TNPO1: variants seen among roughly 807,000 people sequenced by gnomAD.
TNPO1 encodes the protein transportin 1.
TNPO1 carries 8 observed loss-of-function variants against 119.5 expected under a neutral mutation model. That is an observed-to-expected ratio of 0.07 (90% CI 0.04 to 0.12). The LOEUF (loss-of-function observed/expected upper bound fraction) is 0.12, where lower values mean the gene tolerates loss of function less well. Among genes scored for constraint, TNPO1 ranks in the 10% least tolerant of loss-of-function variants. TNPO1 has a pLI of 1.00. For missense variants in TNPO1, 576 were observed against 1,089.8 expected (o/e 0.53, Z 6.64); for synonymous variants, 362 against 363.0 (o/e 1.00, Z 0.03).
rs558646830 is a variant in TNPO1, at chr5:72,893,352, C to G, written c.1897-25C>G. The stretch of plus-strand genomic sequence containing the variant: ...AAGTAGTTAATTAAAACCAAACTTA[C>G]AAAAAACATTGTGTCTAATTTCAGC... On this transcript the variant is annotated intron_variant, in intron 16 of 24. Transcript: ENST00000337273. The G allele has an allele frequency of 3.7e-6, 6 of 1,607,492 alleles. 1 individual carries two copies. The South Asian group carries it at 6.7e-5, about 18-fold the overall frequency.
At chr5:72,843,882 C>T (rs1745020132) in intron 1 of TNPO1, among the ~76,000 whole-genome samples, 1 of 152,146 alleles carries the variant, frequency 6.6e-6, no homozygotes, top group Non-Finnish European at 1.5e-5. Context: ...TCCTATTGTA[C>T]TTTACCATAT....
chr5:72,869,273 G>A (rs572704024), intron 6 of TNPO1, among the ~76,000 whole-genome samples: 32 of 152,190 alleles, frequency 2.1e-4, no homozygotes, highest in African/African-American at 5.8e-4. Flanking sequence ...ATGGCAGGGC[G>A]TAGTGGCTCA....
chr5:72,882,399 G>C, intron 9 of TNPO1, 68 bp from the exon 10 acceptor site: 4 of 1,214,300 alleles, frequency 3.3e-6, no homozygotes, highest in Non-Finnish European at 4.8e-6. Context: ...GTACATGTAA[G>C]GTTAAGACTT....
chr5:72,853,640 T>C (rs529870959), intron 3 of TNPO1, among the ~76,000 whole-genome samples: 1 of 142,410 alleles, frequency 7.0e-6, no homozygotes, highest in African/African-American at 2.6e-5. Context: ...ACACTTGATA[T>C]TTCTTCTTGT....
chr5:72,896,582 G>A, intron 19 of TNPO1, 26 bp downstream of exon 19: 1 of 1,590,622 alleles, frequency 6.3e-7, no homozygotes, highest in Non-Finnish European at 8.6e-7. Context: ...CTATTTAAAA[G>A]CATAAGGCCT....
intron 15 of TNPO1, 101 bp from the exon 16 acceptor site, chr5:72,893,038 A>G (rs912543273): frequency 1.9e-5 from 16 of 851,424 alleles, no homozygotes; most frequent in African/African-American, 3.4e-5. Flanking sequence ...TAGTAGAGCA[A>G]GCTCATAAAT....
intron 24 of TNPO1, among the ~76,000 whole-genome samples, chr5:72,907,091 A>G (rs561201609): frequency 2.0e-5 from 3 of 152,232 alleles, no homozygotes; most frequent in East Asian, 1.9e-4. Context: ...AATGGACTCA[A>G]AGCTTCCAGA....
At chr5:72,851,459 A>T in intron 3 of TNPO1, 140 bp downstream of exon 3, 1 of 580,632 alleles carries the variant, frequency 1.7e-6, no homozygotes, top group Non-Finnish European at 3.1e-6. Flanking sequence ...CTTAGTTAAT[A>T]CCACTCAGTA....
chr5:72,905,267 T>C, intron 23 of TNPO1, 36 bp from the exon 24 acceptor site: 1 of 1,475,430 alleles, frequency 6.8e-7, no homozygotes, highest in Non-Finnish European at 9.4e-7. Context: ...ATTTTTCTCT[T>C]GTTATTGATA....
intron 1 of TNPO1, chr5:72,848,137 C>G (rs1279289501): frequency 1.1e-5 from 13 of 1,202,310 alleles, no homozygotes; most frequent in African/African-American, 1.6e-5. Flanking sequence ...GTCTGGTCGG[C>G]TCCTTGCGCT....
intron 4 of TNPO1, among the ~76,000 whole-genome samples, chr5:72,859,666 A>G (rs1208532910): frequency 6.6e-6 from 1 of 152,188 alleles, no homozygotes. Flanking sequence ...TAGAGAGTAT[A>G]CAGTTTGTTT....
intron 4 of TNPO1, among the ~76,000 whole-genome samples, chr5:72,856,486 G>A (rs1300533499): frequency 6.6e-6 from 1 of 152,084 alleles, no homozygotes; most frequent in Admixed American, 6.6e-5. Flanking sequence ...GCCTGCCTCA[G>A]CCTCCCAAAG....
At chr5:72,855,179 A>G (rs1214747550) in intron 3 of TNPO1, among the ~76,000 whole-genome samples, 1 of 151,908 alleles carries the variant, frequency 6.6e-6, no homozygotes, top group East Asian at 1.9e-4. Context: ...GGTTTTTAGT[A>G]GATACGGGGT....
At chr5:72,848,253 T>A in intron 1 of TNPO1, 132 bp from the exon 2 acceptor site, 4 of 1,303,270 alleles carry the variant, frequency 3.1e-6, no homozygotes, top group Non-Finnish European at 3.9e-6. Flanking sequence ...CTCAGGCAGG[T>A]CCGCGGCGTT....
At chr5:72,817,657 C>T (rs1203304689) in intron 1 of TNPO1, among the ~76,000 whole-genome samples, 1 of 152,090 alleles carries the variant, frequency 6.6e-6, no homozygotes, top group East Asian at 1.9e-4. Context: ...AATAACTGTC[C>T]TTTGAAACAG....
At chr5:72,858,661 C>T (rs1459029888) in intron 4 of TNPO1, among the ~76,000 whole-genome samples, 1 of 152,088 alleles carries the variant, frequency 6.6e-6, no homozygotes, top group Non-Finnish European at 1.5e-5. Context: ...CATGGTGAAA[C>T]CCCGTCTCTA....
At chr5:72,906,264 C>CTTT (rs11356390) in intron 24 of TNPO1, among the ~76,000 whole-genome samples, 4 of 90,236 alleles carry the variant, frequency 4.4e-5, no homozygotes, top group East Asian at 3.4e-4. Flanking sequence ...GTGCCCATCA[C>CTTT]TTTTTTTTTT....
At chr5:72,823,888 ACTC>A (rs1744094299) in intron 1 of TNPO1, among the ~76,000 whole-genome samples, 1 of 151,204 alleles carries the variant, frequency 6.6e-6, no homozygotes, top group African/African-American at 2.4e-5. Flanking sequence ...TTACTCTTCC[ACTC>A]CTCTAAATGA....
intron 22 of TNPO1, among the ~76,000 whole-genome samples, chr5:72,902,364 A>G (rs971602508): frequency 6.6e-6 from 1 of 152,206 alleles, no homozygotes; most frequent in Non-Finnish European, 1.5e-5. Flanking sequence ...CAGGTGATAG[A>G]CGTTGAAAAC....
Sources: gnomAD v4.1 joint callset for allele counts (sites outside exome capture counted in the v4.1 genomes callset) on GRCh38, gnomAD v4.1.1 for gene constraint, MANE v1.5 for transcripts, NCBI Gene and HGNC (gene_info 2026-07-23, HGNC 2026-07-21) for gene names.